MRC1: variants seen among roughly 807,000 people sequenced by gnomAD.
The protein encoded by MRC1 is macrophage mannose receptor 1.
A neutral mutation model predicts 102.9 loss-of-function variants in MRC1; 62 were observed. That is an observed-to-expected ratio of 0.60 (90% CI 0.49 to 0.74). MRC1 has a LOEUF of 0.74. Ranked by LOEUF, MRC1 falls within the 30% of genes least tolerant of loss-of-function variation. MRC1 has a pLI of 0.00. For synonymous variants in MRC1, 457 were observed against 298.4 expected, an observed-to-expected ratio of 1.53 and a Z score of -5.48; for missense variants, 1,237 against 862.8, an observed-to-expected ratio of 1.43 and a Z score of -5.43.
At chr10:17,901,644 G>A (rs990351276) in intron 25 of MRC1, among the ~76,000 whole-genome samples, 1 of 151,828 alleles carries the variant, frequency 6.6e-6, no homozygotes, top group Non-Finnish European at 1.5e-5. Flanking sequence ...AGACAAGATC[G>A]CGCCATTGTA....
intron 8 of MRC1, among the ~76,000 whole-genome samples, chr10:17,853,600 G>GTA (rs1215208967): frequency 2.8e-4 from 36 of 127,674 alleles, no homozygotes; most frequent in East Asian, 2.4e-3. Flanking sequence ...GTGTGTGTGT[G>GTA]TATATATATA....
chr10:17,902,260 T>C, intron 26 of MRC1, 138 bp downstream of exon 26: 1 of 621,416 alleles, frequency 1.6e-6, no homozygotes, highest in South Asian at 2.3e-5. Flanking sequence ...GAATGGCCAA[T>C]ATCATGCTTC....
chr10:17,896,704 G>T (rs1833759788), intron 23 of MRC1, among the ~76,000 whole-genome samples: 1 of 152,156 alleles, frequency 6.6e-6, no homozygotes, highest in Non-Finnish European at 1.5e-5. Context: ...GCTGAGGCAG[G>T]AGGGTTGCTT....
intron 3 of MRC1, among the ~76,000 whole-genome samples, chr10:17,832,513 C>T (rs981716015): frequency 0.018 from 2,632 of 149,238 alleles, 136 homozygotes; most frequent in African/African-American, 0.062. Flanking sequence ...CGAGATTGCA[C>T]CACTGCACTC....
At chr10:17,829,090 C>T (rs959947882) in intron 3 of MRC1, among the ~76,000 whole-genome samples, 6 of 151,464 alleles carry the variant, frequency 4.0e-5, no homozygotes, top group Non-Finnish European at 8.8e-5. Flanking sequence ...AGAACTCTTT[C>T]TCCTGCTGCC....
chr10:17,827,043 A>G (rs970989490), intron 2 of MRC1, among the ~76,000 whole-genome samples: 1 of 152,154 alleles, frequency 6.6e-6, no homozygotes, highest in Non-Finnish European at 1.5e-5. Context: ...CATGATTCCA[A>G]TCAAGAGAAA....
chr10:17,867,410 C>A (rs954240032), intron 12 of MRC1, among the ~76,000 whole-genome samples: 18 of 146,288 alleles, frequency 1.2e-4, no homozygotes, highest in Non-Finnish European at 2.6e-4. Context: ...TCTTCTTCTT[C>A]TTTTCTCTCT....
chr10:17,888,600 G>C (rs1833632727), intron 22 of MRC1, among the ~76,000 whole-genome samples: 1 of 152,034 alleles, frequency 6.6e-6, no homozygotes, highest in Admixed American at 6.6e-5. Context: ...CTGATTTCTA[G>C]TTTAATTCCA....
intron 13 of MRC1, 150 bp downstream of exon 13, chr10:17,870,523 A>G (rs1833339128): frequency 1.4e-6 from 1 of 713,982 alleles, no homozygotes; most frequent in African/African-American, 1.8e-5. Context: ...TGTTTGATCT[A>G]GTTTCGCTTT....
At position 17,894,197 on chromosome 10, in the gene MRC1, C is replaced by T; in HGVS notation, c.3148-13C>T. On this transcript the variant is annotated splice_polypyrimidine_tract_variant and intron_variant, in intron 22 of 29. Transcript: ENST00000569591. ...CATGATTGTTTTCTTTTTCTTTCTC[C>T]ATAAATATACAGGCTGACTGTGTTG... 1.1e-6 allele frequency: 1 copy of T among 871,238 alleles called. No individual in the cohort carries two copies. Among genetic ancestry groups the T allele is most frequent in the Non-Finnish European group, 2.0e-6 (1 of 500,880 alleles). 54.0% of individuals were successfully genotyped at this position (871,238 alleles called of 1,614,324 possible).
At chr10:17,864,974 T>A (rs1833242925) in intron 11 of MRC1, among the ~76,000 whole-genome samples, 2 of 152,116 alleles carry the variant, frequency 1.3e-5, no homozygotes, top group Non-Finnish European at 2.9e-5. Flanking sequence ...TGCCTCTCTA[T>A]ATATTTTGAT....
chr10:17,888,917 A>G (rs1833637255), intron 22 of MRC1, among the ~76,000 whole-genome samples: 1 of 152,100 alleles, frequency 6.6e-6, no homozygotes, highest in Admixed American at 6.5e-5. Flanking sequence ...CAGTTCTATC[A>G]GTTCTCACTT....
At position 17,890,911 on chromosome 10, in the gene MRC1, C is replaced by T. The variant is rs1042758069; in HGVS notation, c.3148-3299C>T. 3.9e-5 allele frequency among the ~76,000 whole-genome samples: 6 copies of T among 152,118 alleles called. No homozygotes were observed. In the East Asian group the frequency reaches 5.8e-4, roughly 15 times the overall value. ...GTCACTCGCATCACTGCCTGAGCTC[C>T]GCCTCCTGTCAGATCAGCAGTGGCA... On this transcript the variant is annotated intron_variant, in intron 22 of 29. Transcript: ENST00000569591.
At chr10:17,907,722 G>A in intron 28 of MRC1, 24 bp downstream of exon 28, 3 of 780,464 alleles carry the variant, frequency 3.8e-6, no homozygotes, top group Admixed American at 1.7e-5. Flanking sequence ...TTGTTGCATG[G>A]TGCATATCAC....
chr10:17,898,213 C>T lies in MRC1; in HGVS notation c.3430C>T (p.Leu1144=), dbSNP rs1257196604. The T allele has an allele frequency of 2.6e-6, 2 of 780,710 alleles. No homozygotes were observed. Among genetic ancestry groups the T allele is most frequent in the East Asian group, 2.4e-5 (1 of 41,262 alleles). The allele number at this position is 780,710 out of a possible 1,614,324, so 48.4% of individuals were successfully genotyped here. ...TCCCTACAGTAATGCATTTGCGTGG[C>T]TGCAGATGGAAACATCTAATGAACG... is the stretch of plus-strand genomic sequence containing the variant. ...LDPYSNAFAW[L]QMETSNERVW... is the part of the protein sequence containing the mutation. The change falls in exon 24 of 30, where the codon CTG becomes TTG. Residue 1144 remains leucine (L), a synonymous_variant. Coordinates refer to ENST00000569591, the MANE Select transcript of MRC1 (RefSeq NM_002438.4).
At chr10:17,866,430 CA>C (rs1362556193) in intron 11 of MRC1, 131 bp from the exon 12 acceptor site, 1 of 753,964 alleles carries the variant, frequency 1.3e-6, no homozygotes, top group African/African-American at 1.7e-5. Context: ...TAAAGTGTTA[CA>C]AACCCCCCTG....
intron 3 of MRC1, among the ~76,000 whole-genome samples, chr10:17,831,205 A>T (rs1245099774): frequency 6.6e-6 from 1 of 150,856 alleles, no homozygotes; most frequent in South Asian, 2.1e-4. Flanking sequence ...TTTCTACCAT[A>T]TTATAAACAA....
intron 17 of MRC1, among the ~76,000 whole-genome samples, chr10:17,875,983 T>C (rs1293997346): frequency 6.6e-6 from 1 of 152,198 alleles, no homozygotes; most frequent in Non-Finnish European, 1.5e-5. Flanking sequence ...TGGTGTCACA[T>C]TGTGATTTTG....
At chr10:17,903,817 A>T (rs1180098111) in intron 26 of MRC1, among the ~76,000 whole-genome samples, 2 of 152,126 alleles carry the variant, frequency 1.3e-5, no homozygotes, top group Non-Finnish European at 2.9e-5. Context: ...TTAGCCAAGC[A>T]TGGTGGTGGG....
Sources: gnomAD v4.1 joint callset for allele counts (sites outside exome capture counted in the v4.1 genomes callset) on GRCh38, gnomAD v4.1.1 for gene constraint, MANE v1.5 for transcripts, NCBI Gene and HGNC (gene_info 2026-07-23, HGNC 2026-07-21) for gene names.